The following RFX3 variants were observed in gnomAD, a reference collection of about 807,000 sequenced individuals.
RFX3 encodes regulatory factor X3, also known as transcription factor RFX3.
A neutral mutation model predicts 98.6 loss-of-function variants in RFX3; 14 were observed. That is an observed-to-expected ratio of 0.14 (90% confidence interval 0.09 to 0.22). The LOEUF (loss-of-function observed/expected upper bound fraction) is 0.22. Among genes scored for constraint, RFX3 ranks in the 10% least tolerant of loss-of-function variants. The pLI, the probability that RFX3 is intolerant of heterozygous loss-of-function variation, is 1.00. For synonymous variants in RFX3, 383 were observed against 328.4 expected (o/e 1.17, Z -1.80); for missense variants, 639 against 926.9 (o/e 0.69, Z 4.03).
At chr9:3,368,367 G>A (rs998797639) in intron 2 of RFX3, among the ~76,000 whole-genome samples, 1 of 151,884 alleles carries the variant, frequency 6.6e-6, no homozygotes, top group Non-Finnish European at 1.5e-5. Context: ...GTTCCCTTTG[G>A]CACTTGTATG....
chr9:3,337,763 G>T (rs1160526556), intron 3 of RFX3, among the ~76,000 whole-genome samples: 1 of 152,148 alleles, frequency 6.6e-6, no homozygotes, highest in Admixed American at 6.5e-5. Flanking sequence ...TGGAAATTCT[G>T]TGAGTCACAA....
chr9:3,332,367 A>AT (rs2130912463), intron 3 of RFX3, among the ~76,000 whole-genome samples: 1 of 152,326 alleles, frequency 6.6e-6, no homozygotes, highest in Admixed American at 6.5e-5. Flanking sequence ...ATTTTAAATA[A>AT]TTTTGTGCAT....
chr9:3,420,078 C>T (rs1331793807), intron 1 of RFX3, among the ~76,000 whole-genome samples: 7 of 152,158 alleles, frequency 4.6e-5, no homozygotes, highest in African/African-American at 9.7e-5. Flanking sequence ...CGTCGGGGCC[C>T]GCAGCACCAC....
Position 3,266,239 on chromosome 9 carries a change from T to C in RFX3, c.1424A>G (p.Asn475Ser). Residue 475 changes from asparagine to serine, a missense_variant, in exon 12 of 17, where the codon AAC (asparagine) becomes AGC (serine). Physicochemically the swap from Asn to Ser is conservative, Grantham distance 46 (BLOSUM62 1). Transcript: ENST00000617270. ...TTGTATCATTCTCTGTGGAATATTG[T>C]TCATGGCATTGGAAAGCCAACCTTC... ...SLEGWLSNAM[N>S]NIPQRMIQTK... is the part of the protein sequence containing the mutation. 1.2e-6 allele frequency: 2 copies of C among 1,611,134 alleles called. No individual in the cohort carries two copies. Among genetic ancestry groups the C allele is most frequent in the Non-Finnish European group, 8.5e-7 (1 of 1,177,984 alleles).
intron 4 of RFX3, among the ~76,000 whole-genome samples, chr9:3,322,619 G>C (rs1831445283): frequency 6.6e-6 from 1 of 152,088 alleles, no homozygotes; most frequent in South Asian, 2.1e-4. Flanking sequence ...TGTAATCCCA[G>C]TTACTAGGGA....
At chr9:3,444,213 T>C (rs1181441481) in intron 1 of RFX3, among the ~76,000 whole-genome samples, 1 of 152,186 alleles carries the variant, frequency 6.6e-6, no homozygotes, top group African/African-American at 2.4e-5. Context: ...ATCCATGTGA[T>C]GAAATACTAC....
chr9:3,235,022 A>G (rs186300430), intron 15 of RFX3, among the ~76,000 whole-genome samples: 5 of 152,360 alleles, frequency 3.3e-5, no homozygotes, highest in Admixed American at 6.5e-5. Context: ...GGGTACTTGC[A>G]TATACAGGCA....
chr9:3,249,732 A>C (rs1285460427), intron 14 of RFX3, among the ~76,000 whole-genome samples: 2 of 152,106 alleles, frequency 1.3e-5, no homozygotes, highest in African/African-American at 4.8e-5. Flanking sequence ...TGTGATTTCA[A>C]TTGTGATCAT....
At chr9:3,510,873 T>G (rs1452643575) in intron 1 of RFX3, among the ~76,000 whole-genome samples, 1 of 152,048 alleles carries the variant, frequency 6.6e-6, no homozygotes, top group African/African-American at 2.4e-5. Context: ...AAAAATCTAA[T>G]AGGCAGAATT....
chr9:3,228,141 T>C (rs1818011205), intron 16 of RFX3, among the ~76,000 whole-genome samples: 1 of 152,192 alleles, frequency 6.6e-6, no homozygotes, highest in African/African-American at 2.4e-5. Flanking sequence ...TTTTTAAAAA[T>C]TGCACTGGTA....
At chr9:3,344,220 T>G (rs573803059) in intron 3 of RFX3, among the ~76,000 whole-genome samples, 93 of 152,222 alleles carry the variant, frequency 6.1e-4, no homozygotes, top group Admixed American at 1.4e-3. Context: ...TGTGTCCTAC[T>G]CTTTAGATGA....
chr9:3,438,923 G>A (rs1024163516), intron 1 of RFX3, among the ~76,000 whole-genome samples: 6 of 151,798 alleles, frequency 4.0e-5, no homozygotes, highest in Non-Finnish European at 8.8e-5. Flanking sequence ...ATAATATTCT[G>A]GCCATAAAAC....
intron 1 of RFX3, among the ~76,000 whole-genome samples, chr9:3,493,081 G>A (rs1005099291): frequency 2.0e-5 from 3 of 152,038 alleles, no homozygotes; most frequent in Admixed American, 2.0e-4. Flanking sequence ...TTTACTGAGG[G>A]TCCTAGCATG....
chr9:3,233,224 G>A (rs535980265), intron 15 of RFX3, among the ~76,000 whole-genome samples: 43 of 152,286 alleles, frequency 2.8e-4, no homozygotes, highest in Non-Finnish European at 5.3e-4. Flanking sequence ...AGTATAAGTG[G>A]GCAACAGCTT....
intron 15 of RFX3, 124 bp from the exon 16 acceptor site, chr9:3,229,013 T>C (rs774259452): frequency 3.6e-5 from 24 of 674,236 alleles, no homozygotes; most frequent in Non-Finnish European, 5.4e-5. Context: ...GCCATTTTGA[T>C]CTCTAATTAC....
chr9:3,270,644 C>A, intron 10 of RFX3, 119 bp from the exon 11 acceptor site: 1 of 974,330 alleles, frequency 1.0e-6, no homozygotes, highest in Non-Finnish European at 1.5e-6. Context: ...ACCACCATTG[C>A]ACTGGTGCCA....
In RFX3 at chr9:3,341,477, G is replaced by C. The variant is rs73381883; in HGVS notation, c.215+5190C>G. Among the ~76,000 whole-genome samples the C allele has an allele frequency of 9.7e-3, 1,479 of 152,112 alleles. 36 individuals carry two copies. Among genetic ancestry groups the C allele is most frequent in the African/African-American group, 0.033 (1,375 of 41,510 alleles). On this transcript the variant is annotated intron_variant, in intron 3 of 16. Coordinates refer to ENST00000617270, the MANE Select transcript of RFX3 (RefSeq NM_001282116.2). ...TGACCTTGATAAGGGCAATTGTATT[G>C]TAATGTGGAGAAGCAAGTAAGCTTG... is the stretch of plus-strand genomic sequence containing the variant.
Position 3,266,298 on chromosome 9 carries a change from C to T in RFX3, c.1365G>A (p.Leu455=). 1 of 1,604,422 alleles carries T rather than the reference C, an allele frequency of 6.2e-7. No homozygotes were observed. Among genetic ancestry groups the T allele is most frequent in the Non-Finnish European group, 8.5e-7 (1 of 1,172,786 alleles). Reference sequence around the variant, plus strand: ...TTGCAAAATTTCGAATGGCTTGGGTCAAGGCACCTAAACATTAAAGAATAA... The same window carrying T: ...TTGCAAAATTTCGAATGGCTTGGGTTAAGGCACCTAAACATTAAAGAATAA... The part of the protein sequence containing the change: ...PDVLRPIPSA[L]TQAIRNFAKS... Residue 455 remains leucine, a synonymous_variant, in exon 12 of 17, where the codon TTG becomes TTA. Transcript: ENST00000617270.
At position 3,329,618 on chromosome 9, in the gene RFX3, T is replaced by C. The variant is rs555991139; in HGVS notation, c.474+641A>G. On this transcript the variant is annotated intron_variant, in intron 4 of 16. Transcript: ENST00000617270. ...GTGGAATGCAACACGAATTTACATATGGCACATGGGTAAACATTTTTAACT... is the reference window on the plus strand; with the variant it reads ...GTGGAATGCAACACGAATTTACATACGGCACATGGGTAAACATTTTTAACT... Among the ~76,000 whole-genome samples, 6 of 152,288 alleles carry C rather than the reference T, an allele frequency of 3.9e-5. No individual in the cohort carries two copies. In the East Asian group the frequency reaches 9.6e-4, roughly 24 times the overall value.
Sources: allele counts gnomAD v4.1 joint callset (sites outside exome capture counted in the v4.1 genomes callset), GRCh38; gene constraint gnomAD v4.1.1; transcripts MANE v1.5; gene names NCBI Gene and HGNC (gene_info 2026-07-23, HGNC 2026-07-21).